Variants in GPC6 observed in about 807,000 individuals in gnomAD.
GPC6 encodes glypican 6.
Under a neutral mutation model 55.2 loss-of-function variants are expected in GPC6, and 14 were observed. The ratio of observed to expected loss-of-function variants is 0.25; its 90% CI spans 0.17 to 0.40. The LOEUF is 0.40. GPC6 is among the 10% of genes least tolerant of loss of function. The pLI is 1.00. For synonymous variants in GPC6, 278 were observed against 259.6 expected, an observed-to-expected ratio of 1.07 and a Z score of -0.68; for missense variants, 641 against 708.5, an observed-to-expected ratio of 0.90 and a Z score of 1.08.
At chr13:94,054,229 G>A (rs1884052978) in intron 4 of GPC6, among the ~76,000 whole-genome samples, 1 of 152,154 alleles carries the variant, frequency 6.6e-6, no homozygotes, top group African/African-American at 2.4e-5. Flanking sequence ...TTTAAAACTT[G>A]ACTTTTTGGT....
chr13:93,541,983 C>A (rs1375978833), intron 1 of GPC6, among the ~76,000 whole-genome samples: 1 of 152,140 alleles, frequency 6.6e-6, no homozygotes, highest in Non-Finnish European at 1.5e-5. Flanking sequence ...TGCCTGTTCA[C>A]TCTGCTGATA....
At chr13:93,323,336 T>A (rs1180224475) in intron 1 of GPC6, among the ~76,000 whole-genome samples, 1 of 152,178 alleles carries the variant, frequency 6.6e-6, no homozygotes, top group African/African-American at 2.4e-5. Context: ...GGGGGATGTA[T>A]GTGTGAGATA....
intron 1 of GPC6, among the ~76,000 whole-genome samples, chr13:93,452,048 C>T (rs1470227870): frequency 6.6e-6 from 1 of 152,040 alleles, no homozygotes; most frequent in Admixed American, 6.6e-5. Flanking sequence ...ATTAACAATA[C>T]AGCAATATTT....
At chr13:93,685,000 A>G (rs1027211961) in intron 2 of GPC6, among the ~76,000 whole-genome samples, 2 of 152,216 alleles carry the variant, frequency 1.3e-5, no homozygotes, top group South Asian at 2.1e-4. Flanking sequence ...AATGCATCAT[A>G]TATCTGGTAG....
At chr13:93,857,415 G>C in intron 3 of GPC6, among the ~76,000 whole-genome samples, 1 of 151,530 alleles carries the variant, frequency 6.6e-6, no homozygotes, top group East Asian at 2.0e-4. Context: ...AATTTGATCA[G>C]GTCCTGTCTT....
chr13:93,846,594 C>T (rs954034390), intron 3 of GPC6, among the ~76,000 whole-genome samples: 2 of 152,152 alleles, frequency 1.3e-5, no homozygotes, highest in Non-Finnish European at 2.9e-5. Context: ...AGGTGGATCA[C>T]GTGATGTCAG....
At chr13:93,881,938 GA>G (rs1307845092) in intron 3 of GPC6, among the ~76,000 whole-genome samples, 7 of 151,912 alleles carry the variant, frequency 4.6e-5, no homozygotes, top group African/African-American at 1.7e-4. Flanking sequence ...ACTCTGTAAG[GA>G]AAAAATTAAC....
At chr13:93,431,205 C>T (rs1409266412) in intron 1 of GPC6, among the ~76,000 whole-genome samples, 1 of 152,018 alleles carries the variant, frequency 6.6e-6, no homozygotes, top group Non-Finnish European at 1.5e-5. Context: ...ATTACACTAA[C>T]CTAACATTTC....
intron 1 of GPC6, among the ~76,000 whole-genome samples, chr13:93,342,070 C>T (rs1161858904): frequency 3.3e-5 from 5 of 151,914 alleles, no homozygotes; most frequent in South Asian, 2.1e-4. Context: ...AGGGTTTCAC[C>T]GTGTTAGCCA....
chr13:94,204,749 T>G (rs189336231), intron 4 of GPC6, among the ~76,000 whole-genome samples: 50 of 152,328 alleles, frequency 3.3e-4, no homozygotes, highest in African/African-American at 1.2e-3. Context: ...ATTCTGTCAC[T>G]AGAATTAATC....
chr13:93,570,057 C>T (rs1321671267), intron 2 of GPC6, among the ~76,000 whole-genome samples: 1 of 152,038 alleles, frequency 6.6e-6, no homozygotes, highest in African/African-American at 2.4e-5. Flanking sequence ...TTTGATGGTG[C>T]TGTTCCAATA....
chr13:94,340,860 T>C (rs1877999052), intron 6 of GPC6, among the ~76,000 whole-genome samples: 1 of 152,148 alleles, frequency 6.6e-6, no homozygotes, highest in Non-Finnish European at 1.5e-5. Context: ...GTATAAAAGG[T>C]TTTAATATGC....
intron 2 of GPC6, among the ~76,000 whole-genome samples, chr13:93,597,218 T>G (rs1877797943): frequency 6.6e-6 from 1 of 152,062 alleles, no homozygotes. Flanking sequence ...TCCAGAATAA[T>G]GTTGGATCAA....
chr13:93,906,714 C>G (rs1279830567), intron 3 of GPC6, among the ~76,000 whole-genome samples: 1 of 152,154 alleles, frequency 6.6e-6, no homozygotes, highest in East Asian at 1.9e-4. Context: ...CCAGCACCAA[C>G]TGTCATTTCC....
chr13:93,463,873 C>T (rs569366694), intron 1 of GPC6, among the ~76,000 whole-genome samples: 23 of 152,052 alleles, frequency 1.5e-4, no homozygotes, highest in Middle Eastern at 3.4e-3. Context: ...TCTTTGCTTA[C>T]GTAAGTCCTC....
At chr13:94,009,673 C>A (rs917334999) in intron 3 of GPC6, among the ~76,000 whole-genome samples, 2 of 152,098 alleles carry the variant, frequency 1.3e-5, no homozygotes, top group Admixed American at 6.6e-5. Flanking sequence ...AGGCCATGGC[C>A]CTACATAATA....
At chr13:94,365,667 A>G (rs1445592378) in intron 6 of GPC6, among the ~76,000 whole-genome samples, 1 of 152,164 alleles carries the variant, frequency 6.6e-6, no homozygotes, top group African/African-American at 2.4e-5. Flanking sequence ...ATATTTTCCT[A>G]TGCTGCATCT....
chr13:93,716,931 C>G (rs1883270942), intron 2 of GPC6, among the ~76,000 whole-genome samples: 1 of 151,548 alleles, frequency 6.6e-6, no homozygotes, highest in Non-Finnish European at 1.5e-5. Flanking sequence ...CAAATACTTG[C>G]CATTATGTTA....
Position 94,241,745 on chromosome 13 carries a change from C to T in GPC6, c.878-44604C>T, listed in dbSNP as rs184582782. 2.1e-4 allele frequency among the ~76,000 whole-genome samples: 32 copies of T among 152,082 alleles called. 1 individual carries two copies. Among genetic ancestry groups the T allele is most frequent in the African/African-American group, 7.5e-4 (31 of 41,486 alleles). ...TATGACCAGGCAATGTGAAGAAAAC[C>T]CTTTTAGATCCCTTCTCAGTGTAAG... On this transcript the variant is annotated intron_variant, in intron 4 of 8. Coordinates refer to ENST00000377047, the MANE Select transcript of GPC6 (RefSeq NM_005708.5).
Sources: gnomAD v4.1 joint callset for allele counts (sites outside exome capture counted in the v4.1 genomes callset) on GRCh38, gnomAD v4.1.1 for gene constraint, MANE v1.5 for transcripts, NCBI Gene and HGNC (gene_info 2026-07-23, HGNC 2026-07-21) for gene names.